CCDC83: variants seen among roughly 807,000 people sequenced by gnomAD.
CCDC83 encodes coiled-coil domain containing 83.
CCDC83 carries 54 observed loss-of-function variants against 50.1 expected under a neutral mutation model. That is an observed-to-expected ratio of 1.08 (90% confidence interval 0.87 to 1.35). The LOEUF (loss-of-function observed/expected upper bound fraction) is 1.35, where lower values mean the gene tolerates loss of function less well. CCDC83 is among the 40% of genes most tolerant of loss of function. CCDC83 has a pLI of 0.00. For synonymous variants in CCDC83, 161 were observed against 153.3 expected (o/e 1.05, Z -0.37); for missense variants, 518 against 473.9 (o/e 1.09, Z -0.86).
chr11:85,901,822 C>T lies in CCDC83; in HGVS notation c.672+2807C>T, dbSNP rs114047650. 6.4e-3 allele frequency among the ~76,000 whole-genome samples: 971 copies of T among 151,454 alleles called. 16 individuals carry two copies. Among genetic ancestry groups the T allele is most frequent in the African/African-American group, 0.023 (937 of 41,252 alleles). ...GGTGGGAGGATTGCTAGAGCCCAGG[C>T]ATTCAAGACCAGACTAGGCAACATA... On this transcript the variant is annotated intron_variant, in intron 7 of 10. Transcript: ENST00000342404.
chr11:85,862,271 T>C (rs755320998), intron 1 of CCDC83, among the ~76,000 whole-genome samples: 3 of 152,148 alleles, frequency 2.0e-5, no homozygotes, highest in Non-Finnish European at 2.9e-5. Flanking sequence ...TCTGGAAAGG[T>C]TGGCTGGAGT....
chr11:85,889,039 C>T (rs1413483234), intron 5 of CCDC83, among the ~76,000 whole-genome samples: 1 of 152,070 alleles, frequency 6.6e-6, no homozygotes, highest in Non-Finnish European at 1.5e-5. Context: ...TAAACTTAAC[C>T]CATTATCTTG....
Position 85,900,330 on chromosome 11 carries a change from A to G in CCDC83, c.672+1315A>G, listed in dbSNP as rs144687291. On this transcript the variant is annotated intron_variant, in intron 7 of 10. Coordinates refer to ENST00000342404, the MANE Select transcript of CCDC83 (RefSeq NM_001286159.2). ...TGACTGTCCTCTGAGAACACTAAAC[A>G]AATTATCAGATAAAGGCAAAGGTTT... Among the ~76,000 whole-genome samples, 553 of 152,332 alleles carry G rather than the reference A, an allele frequency of 3.6e-3. 6 individuals are homozygous for G. Among genetic ancestry groups the G allele is most frequent in the African/African-American group, 0.013 (542 of 41,588 alleles).
intron 8 of CCDC83, among the ~76,000 whole-genome samples, chr11:85,911,900 T>C (rs1174292628): frequency 6.6e-6 from 1 of 152,220 alleles, no homozygotes. Flanking sequence ...GTCATATTTG[T>C]TCTTGCATAC....
At chr11:85,879,635 T>G (rs2093288167) in intron 3 of CCDC83, among the ~76,000 whole-genome samples, 1 of 152,104 alleles carries the variant, frequency 6.6e-6, no homozygotes, top group Non-Finnish European at 1.5e-5. Flanking sequence ...TTTTTTTTTT[T>G]TTGAGATAGA....
chr11:85,912,162 T>C (rs1018367883), intron 8 of CCDC83, among the ~76,000 whole-genome samples: 2 of 152,028 alleles, frequency 1.3e-5, no homozygotes, highest in African/African-American at 4.8e-5. Context: ...GGGAGAGAAA[T>C]GTCTAGGTCT....
At chr11:85,865,984 C>A (rs2093204701) in intron 2 of CCDC83, among the ~76,000 whole-genome samples, 1 of 151,650 alleles carries the variant, frequency 6.6e-6, no homozygotes, top group Admixed American at 6.6e-5. Context: ...TTACATTATT[C>A]CTAAATGGCT....
chr11:85,875,594 T>TG (rs2093264720), intron 3 of CCDC83, among the ~76,000 whole-genome samples: 1 of 152,276 alleles, frequency 6.6e-6, no homozygotes, highest in Non-Finnish European at 1.5e-5. Flanking sequence ...GCAAGCTTTT[T>TG]AGACAGCAGC....
At chr11:85,862,693 C>T (rs572877924) in intron 1 of CCDC83, among the ~76,000 whole-genome samples, 2 of 152,034 alleles carry the variant, frequency 1.3e-5, no homozygotes, top group South Asian at 2.1e-4. Flanking sequence ...GGATTCTCAC[C>T]CTTTACTGAG....
rs759912714 is a variant in CCDC83 at position 85,916,099 on chromosome 11, A to G, written c.946A>G (p.Ile316Val). The change falls in exon 10 of 11, where the codon ATC becomes GTC. Residue 316 changes from isoleucine (I) to valine (V), a missense_variant. Coordinates refer to ENST00000342404, the MANE Select transcript of CCDC83 (RefSeq NM_001286159.2). ...GATGTCCTCATCAGATGAGAGCACT[A>G]TCTTACATCTTAGTCATGAAAATAG... ...DLMSSSDEST[I>V]LHLSHENSIE... 9 of 1,613,122 alleles carry G rather than the reference A, an allele frequency of 5.6e-6. No individual in the cohort carries two copies. The Admixed American group carries it at 1.3e-4, about 24-fold the overall frequency.
chr11:85,885,163 G>A (rs751517016), intron 4 of CCDC83, among the ~76,000 whole-genome samples: 11 of 151,958 alleles, frequency 7.2e-5, no homozygotes, highest in Admixed American at 1.3e-4. Flanking sequence ...GCAGTGAGCC[G>A]AGATCGCGCC....
chr11:85,891,606 A>T (rs2093350704), intron 5 of CCDC83, among the ~76,000 whole-genome samples: 1 of 152,186 alleles, frequency 6.6e-6, no homozygotes, highest in Non-Finnish European at 1.5e-5. Context: ...TTGTACACTA[A>T]CAGTGAATTT....
At chr11:85,876,702 A>C (rs1309824890) in intron 3 of CCDC83, among the ~76,000 whole-genome samples, 1 of 152,196 alleles carries the variant, frequency 6.6e-6, no homozygotes, top group East Asian at 1.9e-4. Context: ...ACAGGGTTTC[A>C]CCGTGTTGGC....
At chr11:85,892,832 C>G (rs2093356468) in intron 5 of CCDC83, among the ~76,000 whole-genome samples, 2 of 152,050 alleles carry the variant, frequency 1.3e-5, no homozygotes, top group Non-Finnish European at 2.9e-5. Context: ...GAGATTAGTT[C>G]AAATAAGTAA....
chr11:85,865,913 AAG>A (rs1173680347), intron 2 of CCDC83, among the ~76,000 whole-genome samples: 4 of 152,018 alleles, frequency 2.6e-5, no homozygotes, highest in Non-Finnish European at 4.4e-5. Flanking sequence ...AAAAAAAAAA[AAG>A]AGAGAATGGA....
chr11:85,912,431 A>G (rs1477487953), intron 8 of CCDC83, among the ~76,000 whole-genome samples: 4 of 152,236 alleles, frequency 2.6e-5, no homozygotes, highest in African/African-American at 9.6e-5. Flanking sequence ...GGGGCAGGAT[A>G]GAGAAAGAGG....
intron 5 of CCDC83, among the ~76,000 whole-genome samples, chr11:85,891,794 G>A (rs2093351444): frequency 6.6e-6 from 1 of 151,996 alleles, no homozygotes; most frequent in South Asian, 2.1e-4. Context: ...ATATAATTAG[G>A]CCAGTTTAAA....
At chr11:85,882,847 T>C (rs1025570593) in intron 4 of CCDC83, among the ~76,000 whole-genome samples, 172 bp downstream of exon 4, 9 of 152,090 alleles carry the variant, frequency 5.9e-5, no homozygotes, top group Non-Finnish European at 1.3e-4. Flanking sequence ...AGGGAAATAA[T>C]AAAGTGGGTA....
chr11:85,911,197 G>C (rs879216707), intron 7 of CCDC83, 84 bp from the exon 8 acceptor site: 4 of 993,140 alleles, frequency 4.0e-6, no homozygotes, highest in Non-Finnish European at 5.4e-6. Flanking sequence ...AAAAAAGAAA[G>C]AAAAAAGAAA....
Sources: allele counts gnomAD v4.1 joint callset (sites outside exome capture counted in the v4.1 genomes callset), GRCh38; gene constraint gnomAD v4.1.1; transcripts MANE v1.5; gene names NCBI Gene and HGNC (gene_info 2026-07-23, HGNC 2026-07-21).